The following TMC1 variants were observed in gnomAD, a reference collection of about 807,000 sequenced individuals.
TMC1 encodes the protein transmembrane channel like 1, also known as transmembrane channel-like protein 1.
A neutral mutation model predicts 105.8 loss-of-function variants in TMC1; 84 were observed. The ratio of observed to expected loss-of-function variants is 0.79; its 90% CI spans 0.67 to 0.95. The LOEUF is 0.95. Among genes scored for constraint, TMC1 ranks in the 40% least tolerant of loss-of-function variants. The pLI, the probability that TMC1 is intolerant of heterozygous loss-of-function variation, is 0.00. For synonymous variants in TMC1, 315 were observed against 311.5 expected, an observed-to-expected ratio of 1.01 and a Z score of -0.12; for missense variants, 817 against 914.1, an observed-to-expected ratio of 0.89 and a Z score of 1.37.
intron 2 of TMC1, among the ~76,000 whole-genome samples, chr9:72,595,677 T>C (rs1824705769): frequency 1.3e-5 from 1 of 74,466 alleles, no homozygotes; most frequent in African/African-American, 7.0e-5. Flanking sequence ...TCTCAACTTT[T>C]TTTTTTTTTT....
At chr9:72,599,877 T>C (rs1824779194) in intron 2 of TMC1, among the ~76,000 whole-genome samples, 1 of 152,112 alleles carries the variant, frequency 6.6e-6, no homozygotes, top group South Asian at 2.1e-4. Flanking sequence ...CAGTAAAAGT[T>C]AAGCAAAAGT....
chr9:72,759,363 C>G (rs1827719387), intron 12 of TMC1, among the ~76,000 whole-genome samples: 1 of 152,148 alleles, frequency 6.6e-6, no homozygotes, highest in African/African-American at 2.4e-5. Context: ...AAAAGTAGCT[C>G]CCCAAGTCCC....
At chr9:72,716,287 C>T (rs1489281177) in intron 8 of TMC1, among the ~76,000 whole-genome samples, 1 of 152,174 alleles carries the variant, frequency 6.6e-6, no homozygotes, top group Non-Finnish European at 1.5e-5. Flanking sequence ...AGCTGGAACC[C>T]AGTGTTGGGA....
At chr9:72,606,474 A>C (rs2132115873) in intron 2 of TMC1, among the ~76,000 whole-genome samples, 1 of 152,326 alleles carries the variant, frequency 6.6e-6, no homozygotes, top group East Asian at 1.9e-4. Context: ...AACTGGGGTC[A>C]TTGGTGGTCA....
intron 1 of TMC1, among the ~76,000 whole-genome samples, chr9:72,572,429 G>A (rs745972366): frequency 7.3e-5 from 11 of 151,246 alleles, no homozygotes; most frequent in South Asian, 6.3e-4. Flanking sequence ...TGCTGGCTTC[G>A]AGCAATTTGC....
chr9:72,625,531 T>C (rs956095641), intron 3 of TMC1, among the ~76,000 whole-genome samples: 2 of 151,496 alleles, frequency 1.3e-5, no homozygotes, highest in South Asian at 4.2e-4. Flanking sequence ...TACTAAAAAT[T>C]CAAAAAATTA....
rs113342704 is a variant in TMC1 at position 72,788,378 on chromosome 9, C to G, written c.924C>G (p.Asp308Glu). The G allele has an allele frequency of 1.2e-4, 200 of 1,613,984 alleles. 4 individuals are homozygous for G. The African/African-American group carries it at 2.1e-3, about 17-fold the overall frequency. The part of the protein sequence containing the change: ...KNIGDDGGGD[D>E]NTFNFSWKVF... The stretch of plus-strand genomic sequence containing the variant: ...TTGGTGATGATGGAGGTGGAGATGA[C>G]AACACTTTCAATTTCAGCTGGAAGG... Residue 308 changes from aspartate to glutamate, a missense_variant, in exon 14 of 24, where the codon GAC becomes GAG. Coordinates refer to ENST00000297784, the MANE Select transcript of TMC1 (RefSeq NM_138691.3).
chr9:72,587,425 TG>T (rs1824572410), intron 2 of TMC1, among the ~76,000 whole-genome samples: 1 of 152,226 alleles, frequency 6.6e-6, no homozygotes, highest in African/African-American at 2.4e-5. Context: ...CCCAAAGTGC[TG>T]GGATTACAGG....
At chr9:72,830,734 C>CTTTTTTTTTTTTTTT in intron 23 of TMC1, 52 bp downstream of exon 23, 1 of 1,235,840 alleles carries the variant, frequency 8.1e-7, no homozygotes, top group Non-Finnish European at 1.1e-6. Flanking sequence ...TTTTCTTTTT[C>CTTTTTTTTTTTTTTT]TTTCTTTTTT....
At chr9:72,746,214 CA>C (rs948803526) in intron 10 of TMC1, among the ~76,000 whole-genome samples, 11 of 152,054 alleles carry the variant, frequency 7.2e-5, no homozygotes, top group African/African-American at 2.7e-4. Context: ...CATTGTATTC[CA>C]TTTCGACATC....
intron 1 of TMC1, among the ~76,000 whole-genome samples, chr9:72,571,419 A>G (rs1824282383): frequency 6.6e-6 from 1 of 151,110 alleles, no homozygotes; most frequent in South Asian, 2.1e-4. Context: ...AGTATCCTGA[A>G]GCTGGTGTGA....
At chr9:72,793,022 C>T (rs372552461) in intron 17 of TMC1, among the ~76,000 whole-genome samples, 5 of 152,060 alleles carry the variant, frequency 3.3e-5, no homozygotes, top group African/African-American at 9.7e-5. Flanking sequence ...ATACTTCTCC[C>T]GTGGATCTTT....
intron 7 of TMC1, among the ~76,000 whole-genome samples, chr9:72,696,097 G>A (rs1826546231): frequency 6.6e-6 from 1 of 152,106 alleles, no homozygotes; most frequent in African/African-American, 2.4e-5. Flanking sequence ...TCCAAAATTT[G>A]CTTTTCCTCT....
chr9:72,565,949 A>G (rs1587961419), intron 1 of TMC1, among the ~76,000 whole-genome samples: 1 of 152,218 alleles, frequency 6.6e-6, no homozygotes, highest in African/African-American at 2.4e-5. Context: ...GTGGGGACAC[A>G]GCCAAACTGT....
Position 72,581,133 on chromosome 9 carries a change from A to G in TMC1, c.-306+3110A>G, listed in dbSNP as rs547295795. On this transcript the variant is annotated intron_variant, in intron 2 of 23. Transcript: ENST00000297784. ...TTTATTCCAATACTTTAGCCCCATA[A>G]ATAATGCATAATGATTGGTGAAAGA... is the stretch of plus-strand genomic sequence containing the variant. Among the ~76,000 whole-genome samples the G allele has an allele frequency of 2.6e-5, 4 of 152,362 alleles. No homozygotes were observed. The East Asian group carries it at 7.7e-4, about 29-fold the overall frequency.
At chr9:72,778,402 C>T (rs79430624) in intron 13 of TMC1, among the ~76,000 whole-genome samples, 1,629 of 152,178 alleles carry the variant, frequency 0.011, 24 homozygotes, top group African/African-American at 0.038. Context: ...TTCCTGGCTC[C>T]GAGTGTCTCC....
At chr9:72,737,077 C>T (rs990635578) in intron 8 of TMC1, among the ~76,000 whole-genome samples, 4 of 151,934 alleles carry the variant, frequency 2.6e-5, no homozygotes, top group African/African-American at 7.3e-5. Context: ...TCGTTGTTGT[C>T]CCAGTTGTGA....
rs117607690 is a variant in TMC1, at chr9:72,706,726, A to G, written c.362+6083A>G. On this transcript the variant is annotated intron_variant, in intron 8 of 23. Coordinates refer to ENST00000297784, the MANE Select transcript of TMC1 (RefSeq NM_138691.3). Reference sequence around the variant, plus strand: ...ACTTAGAATAATAGTCTCCAGTTGTATCCAGGTTGCTGTGAATGCCAATAT... The same window carrying G: ...ACTTAGAATAATAGTCTCCAGTTGTGTCCAGGTTGCTGTGAATGCCAATAT... Among the ~76,000 whole-genome samples, 1,258 of 151,554 alleles carry G rather than the reference A, an allele frequency of 8.3e-3. 7 individuals carry two copies. The highest frequency in any genetic ancestry group is 0.014 in the Non-Finnish European group (936 of 67,860).
chr9:72,525,092 T>G (rs1314846465), intron 1 of TMC1, among the ~76,000 whole-genome samples: 2 of 152,218 alleles, frequency 1.3e-5, no homozygotes, highest in African/African-American at 4.8e-5. Flanking sequence ...AATACATGTA[T>G]GCCTATTCTT....
Sources: allele counts gnomAD v4.1 joint callset (sites outside exome capture counted in the v4.1 genomes callset), GRCh38; gene constraint gnomAD v4.1.1; transcripts MANE v1.5; gene names NCBI Gene and HGNC (gene_info 2026-07-23, HGNC 2026-07-21).